Variants in ADGRF1 observed in about 807,000 individuals in gnomAD.
ADGRF1 encodes the protein G protein-coupled receptor 110.
Under a neutral mutation model 87.2 loss-of-function variants are expected in ADGRF1, and 85 were observed. The ratio of observed to expected loss-of-function variants is 0.97; its 90% CI spans 0.82 to 1.17. ADGRF1 has a LOEUF of 1.17. ADGRF1 is among the 50% of genes most tolerant of loss of function. ADGRF1 has a pLI of 0.00. For synonymous variants in ADGRF1, 430 were observed against 408.8 expected (o/e 1.05, Z -0.63); for missense variants, 1,169 against 1,077.2 (o/e 1.09, Z -1.19).
chr6:47,017,684 C>T (rs1352363237), intron 7 of ADGRF1: 1 of 142,878 alleles, frequency 7.0e-6, no homozygotes, highest in East Asian at 2.0e-4. Context: ...TGAAAGACGC[C>T]GAACATGCAA....
chr6:47,012,504 C>T, intron 9 of ADGRF1: 1 of 540,428 alleles, frequency 1.9e-6, no homozygotes, highest in Non-Finnish European at 2.4e-6. Context: ...CATTTTATAG[C>T]TAAGGAAACT....
At chr6:47,012,692 T>C (rs749516534) in intron 9 of ADGRF1, 32 of 985,524 alleles carry the variant, frequency 3.2e-5, no homozygotes, top group Non-Finnish European at 3.7e-5. Flanking sequence ...GAATGCGTTG[T>C]AAGATGGGAA....
chr6:47,001,680 G>C, intron 13 of ADGRF1, 113 bp from the exon 14 acceptor site: 1 of 776,996 alleles, frequency 1.3e-6, no homozygotes. Context: ...TTTCATAGGT[G>C]CTATTCTCTT....
At chr6:47,012,335 A>C in intron 9 of ADGRF1, 140 bp from the exon 10 acceptor site, 1 of 1,392,028 alleles carries the variant, frequency 7.2e-7, no homozygotes, top group African/African-American at 1.4e-5. Flanking sequence ...AATAGTAACA[A>C]AGGCTGTTAT....
At chr6:47,019,352 C>T (rs1779970345) in intron 7 of ADGRF1, 2 of 984,984 alleles carry the variant, frequency 2.0e-6, no homozygotes, top group Non-Finnish European at 2.4e-6. Flanking sequence ...AAGGATAATG[C>T]CCAGAACAAC....
chr6:47,020,996 A>C (rs1780029892), intron 6 of ADGRF1, among the ~76,000 whole-genome samples: 1 of 152,248 alleles, frequency 6.6e-6, no homozygotes, highest in Non-Finnish European at 1.5e-5. Context: ...ATATCCATAC[A>C]TATACACGTA....
chr6:47,039,910 C>T (rs1183518436), intron 1 of ADGRF1, among the ~76,000 whole-genome samples: 2 of 151,740 alleles, frequency 1.3e-5, no homozygotes, highest in South Asian at 2.1e-4. Context: ...TGAGGTGAGC[C>T]GGGATTGTGC....
intron 8 of ADGRF1, among the ~76,000 whole-genome samples, chr6:47,015,127 T>C (rs1193679767): frequency 2.0e-5 from 3 of 152,190 alleles, no homozygotes; most frequent in Non-Finnish European, 4.4e-5. Context: ...TAGTAAGTAT[T>C]AGGTGATAAT....
At position 47,016,737 on chromosome 6, in the gene ADGRF1, C is replaced by A. The variant is rs1319066384; in HGVS notation, c.643G>T (p.Val215Phe). ...AGTTCAGATGCACTGCTGGAGCCAA[C>A]AACTTCATACCCAGCAACGATGCTT... ...NGSIVAGYEV[V>F]GSSSASELLS... The change falls in exon 8 of 15, where the codon GTT becomes TTT. Residue 215 changes from valine (V) to phenylalanine (F), a missense_variant. Physicochemically the swap from Val to Phe is conservative, Grantham distance 50. Transcript: ENST00000371253. The A allele has an allele frequency of 1.3e-6, 2 of 1,599,472 alleles. No individual in the cohort carries two copies. Among genetic ancestry groups the A allele is most frequent in the Non-Finnish European group, 1.7e-6 (2 of 1,169,386 alleles).
chr6:47,033,546 A>G (rs1199116460), intron 1 of ADGRF1, among the ~76,000 whole-genome samples: 1 of 152,222 alleles, frequency 6.6e-6, no homozygotes, highest in Admixed American at 6.5e-5. Flanking sequence ...TTCTTTCTCT[A>G]TAAACAGAAT....
intron 5 of ADGRF1, 38 bp from the exon 6 acceptor site, chr6:47,022,096 T>C (rs1780076774): frequency 1.7e-6 from 2 of 1,174,164 alleles, no homozygotes; most frequent in Non-Finnish European, 2.5e-6. Context: ...ACATAATAAA[T>C]TTCTAACTTG....
intron 14 of ADGRF1, 137 bp downstream of exon 14, chr6:47,001,364 C>A: frequency 1.5e-6 from 1 of 681,222 alleles, no homozygotes; most frequent in Non-Finnish European, 2.4e-6. Context: ...TCTGGATGAA[C>A]TCTGAAAACA....
chr6:47,018,020 C>T, intron 7 of ADGRF1: 1 of 183,488 alleles, frequency 5.4e-6, no homozygotes, highest in South Asian at 1.2e-4. Flanking sequence ...GACAGCATTG[C>T]TGTAATGGAA....
intron 1 of ADGRF1, among the ~76,000 whole-genome samples, chr6:47,034,993 C>T (rs952702082): frequency 2.6e-5 from 4 of 152,242 alleles, no homozygotes; most frequent in Non-Finnish European, 5.9e-5. Context: ...CGCTTTGCAT[C>T]TGAGAAGAGC....
In ADGRF1 at chr6:47,010,421, A is replaced by T. The variant is rs1347973133; in HGVS notation, c.1117-103T>A. On this transcript the variant is annotated intron_variant, in intron 10 of 14. Coordinates refer to ENST00000371253, the MANE Select transcript of ADGRF1 (RefSeq NM_153840.4). The stretch of plus-strand genomic sequence containing the variant: ...TTAAGAATAGGAAAAATGCCCAGAG[A>T]ATTGGCTCAGTCACGAACCACATTA... The T allele has an allele frequency of 6.2e-6, 6 of 967,224 alleles. No individual in the cohort carries two copies. The Admixed American group carries it at 1.7e-4, about 28-fold the overall frequency. The allele number at this position is 967,224 out of a possible 1,614,324, so 59.9% of individuals were successfully genotyped here. A position where few individuals can be genotyped will look rare whatever the true frequency, so the allele number is the denominator to read the frequency against.
rs890712468 is a variant in ADGRF1, at chr6:47,027,830, T to A, written c.70-69A>T. ...TTGTGCTTCATAAGGCCTTGCTGAGTTTCCCAGATGAATTAAAATCATGAA... is the reference window on the plus strand; with the variant it reads ...TTGTGCTTCATAAGGCCTTGCTGAGATTCCCAGATGAATTAAAATCATGAA... On this transcript the variant is annotated intron_variant, in intron 2 of 14. Coordinates refer to ENST00000371253, the MANE Select transcript of ADGRF1 (RefSeq NM_153840.4). The A allele has an allele frequency of 2.4e-5, 22 of 913,952 alleles. No individual in the cohort carries two copies. In the African/African-American group the frequency reaches 2.6e-4, roughly 11 times the overall value. The allele number at this position is 913,952 out of a possible 1,614,324, so 56.6% of individuals were successfully genotyped here. A position where few individuals can be genotyped will look rare whatever the true frequency, so the allele number is the denominator to read the frequency against.
intron 10 of ADGRF1, among the ~76,000 whole-genome samples, chr6:47,011,751 A>G (rs910458437): frequency 6.6e-6 from 1 of 152,358 alleles, no homozygotes; most frequent in South Asian, 2.1e-4. Context: ...CCTATGTCAC[A>G]TAGTGCAAAA....
rs201310022 is a variant in ADGRF1 at position 47,009,094 on chromosome 6, C to T, written c.2341G>A (p.Asp781Asn). ...ACGCGGATGATGGTGGCCTTGTCAT[C>T]CCGACTCAGTCTTTCCCCAACAGTC... ...RPTVGERLSR[D>N]DKATIIRVGK... Residue 781 changes from aspartate (D) to asparagine (N), a missense_variant, in exon 11 of 15, where the codon GAT (aspartate) becomes AAT (asparagine). Transcript: ENST00000371253. 1.4e-3 allele frequency: 2,202 copies of T among 1,614,072 alleles called. 43 individuals are homozygous for T. In the South Asian group the frequency reaches 0.023, roughly 17 times the overall value.
At chr6:47,040,346 C>T (rs1780701660) in intron 1 of ADGRF1, among the ~76,000 whole-genome samples, 1 of 152,056 alleles carries the variant, frequency 6.6e-6, no homozygotes, top group African/African-American at 2.4e-5. Context: ...GTGGTGGATG[C>T]CTGTAGTCCC....
Sources: allele counts gnomAD v4.1 joint callset (sites outside exome capture counted in the v4.1 genomes callset), GRCh38; gene constraint gnomAD v4.1.1; transcripts MANE v1.5; gene names NCBI Gene and HGNC (gene_info 2026-07-23, HGNC 2026-07-21).